FILIP1L: variants seen among roughly 807,000 people sequenced by gnomAD.
FILIP1L encodes filamin A-interacting protein 1-like.
In FILIP1L, 55 loss-of-function variants were observed where a neutral mutation model predicts 96.6. The ratio of observed to expected loss-of-function variants is 0.57; its 90% CI spans 0.46 to 0.71. FILIP1L has a LOEUF of 0.71. FILIP1L is among the 30% of genes least tolerant of loss of function. The pLI is 0.00. For synonymous variants in FILIP1L, 467 were observed against 473.9 expected (o/e 0.99, Z 0.19); for missense variants, 1,304 against 1,321.2 (o/e 0.99, Z 0.20).
At chr3:100,099,241 G>A (rs1193043379) in intron 1 of FILIP1L, among the ~76,000 whole-genome samples, 1 of 152,076 alleles carries the variant, frequency 6.6e-6, no homozygotes, top group Non-Finnish European at 1.5e-5. Context: ...ATCTTAGTAC[G>A]CACACTAGGA....
At chr3:99,957,597 C>G (rs902596436) in intron 1 of FILIP1L, among the ~76,000 whole-genome samples, 1 of 151,546 alleles carries the variant, frequency 6.6e-6, no homozygotes. Context: ...CCTCTGGGGC[C>G]TCCTATGAAC....
intron 1 of FILIP1L, among the ~76,000 whole-genome samples, chr3:99,983,464 G>GTGTATA (rs1491438114): frequency 2.4e-4 from 3 of 12,686 alleles, no homozygotes; most frequent in Admixed American, 1.5e-3. Flanking sequence ...ATATATGTGT[G>GTGTATA]TATATATATA....
chr3:100,003,355 T>C (rs1186836362), intron 1 of FILIP1L, among the ~76,000 whole-genome samples: 3 of 152,244 alleles, frequency 2.0e-5, no homozygotes, highest in Non-Finnish European at 4.4e-5. Context: ...TGCCCAGCAC[T>C]GTCAGGGTTT....
intron 5 of FILIP1L, among the ~76,000 whole-genome samples, chr3:99,842,104 G>A (rs906707825): frequency 3.9e-5 from 6 of 152,132 alleles, no homozygotes; most frequent in African/African-American, 1.4e-4. Context: ...CAGTCAATGA[G>A]CGGATAAAGA....
intron 4 of FILIP1L, among the ~76,000 whole-genome samples, chr3:99,911,762 A>G (rs1706796593): frequency 6.6e-6 from 1 of 152,128 alleles, no homozygotes; most frequent in South Asian, 2.1e-4. Flanking sequence ...CTCACAATTA[A>G]TTAACTCATT....
At chr3:100,062,149 T>C in intron 1 of FILIP1L, among the ~76,000 whole-genome samples, 1 of 125,552 alleles carries the variant, frequency 8.0e-6, no homozygotes, top group East Asian at 2.7e-4. Flanking sequence ...TGTTGCTCTG[T>C]CCCCCAGGCT....
At chr3:100,055,840 C>G (rs1304885807) in intron 1 of FILIP1L, among the ~76,000 whole-genome samples, 3 of 152,166 alleles carry the variant, frequency 2.0e-5, no homozygotes. Context: ...TTAAATTACT[C>G]TTCCACAATA....
chr3:99,871,851 A>AT (rs1482727467), intron 4 of FILIP1L, among the ~76,000 whole-genome samples: 7 of 151,900 alleles, frequency 4.6e-5, no homozygotes, highest in Non-Finnish European at 8.8e-5. Context: ...AAATACACTT[A>AT]TTTTTTATTT....
chr3:100,083,095 G>A (rs1013930753), intron 1 of FILIP1L, among the ~76,000 whole-genome samples: 16 of 152,172 alleles, frequency 1.1e-4, no homozygotes, highest in Non-Finnish European at 2.4e-4. Flanking sequence ...ATAAAATCAT[G>A]TATGGATTTT....
intron 1 of FILIP1L, among the ~76,000 whole-genome samples, chr3:100,024,863 C>G (rs913547390): frequency 7.2e-5 from 11 of 152,060 alleles, no homozygotes; most frequent in African/African-American, 2.2e-4. Flanking sequence ...ACATTCGTAG[C>G]CAAGCAGGCT....
At chr3:100,107,264 A>G (rs1474504532) in intron 1 of FILIP1L, among the ~76,000 whole-genome samples, 1 of 152,204 alleles carries the variant, frequency 6.6e-6, no homozygotes, top group African/African-American at 2.4e-5. Context: ...ATAGAATTCT[A>G]TGCTGAAAAA....
chr3:100,022,413 T>C (rs2064842831), intron 1 of FILIP1L, among the ~76,000 whole-genome samples: 1 of 152,214 alleles, frequency 6.6e-6, no homozygotes, highest in South Asian at 2.1e-4. Context: ...ACAACTCTGC[T>C]ACAGTATTCA....
chr3:100,096,507 G>A (rs750797409), intron 1 of FILIP1L, among the ~76,000 whole-genome samples: 7 of 152,020 alleles, frequency 4.6e-5, no homozygotes, highest in East Asian at 3.8e-4. Context: ...AATAAGCCAC[G>A]CACAAAAAGA....
intron 4 of FILIP1L, among the ~76,000 whole-genome samples, chr3:99,910,198 T>C (rs1706748239): frequency 7.3e-6 from 1 of 136,456 alleles, no homozygotes; most frequent in South Asian, 2.5e-4. Flanking sequence ...AAAACCTGTA[T>C]GGATTTCAAA....
intron 1 of FILIP1L, among the ~76,000 whole-genome samples, chr3:99,962,817 G>C (rs1708534213): frequency 6.6e-6 from 1 of 152,140 alleles, no homozygotes; most frequent in Admixed American, 6.5e-5. Flanking sequence ...GAACAAATTG[G>C]GAAAGATTTA....
At chr3:99,855,850 T>G (rs896158777) in intron 4 of FILIP1L, among the ~76,000 whole-genome samples, 1 of 152,198 alleles carries the variant, frequency 6.6e-6, no homozygotes, top group Non-Finnish European at 1.5e-5. Flanking sequence ...TGTAAAAGGA[T>G]ATATTTTAAC....
Position 99,849,153 on chromosome 3 carries a change from C to T in FILIP1L, c.2523G>A (p.Glu841=), listed in dbSNP as rs1352058896. 15 of 1,614,014 alleles carry T rather than the reference C, an allele frequency of 9.3e-6. No individual in the cohort carries two copies. The highest frequency in any genetic ancestry group is 6.7e-5 in the African/African-American group (5 of 74,910). Residue 841 remains glutamate (E), a synonymous_variant, in exon 5 of 6, where the codon GAG becomes GAA. Coordinates refer to ENST00000477258, the MANE Select transcript of FILIP1L (RefSeq NM_001387850.1). The part of the protein sequence containing the change: ...SENQDEDPND[E]GSVLSFKCSQ... ...TGCATTTGAAGGACAGCACAGATCC[C>T]TCATCATTAGGGTCCTCGTCTTGAT...
intron 5 of FILIP1L, among the ~76,000 whole-genome samples, chr3:99,831,583 C>G (rs537975103): frequency 6.6e-6 from 1 of 152,326 alleles, no homozygotes; most frequent in African/African-American, 2.4e-5. Context: ...ACAGACTAAT[C>G]AAGTCTGCTA....
chr3:100,052,592 G>C (rs2065393080), intron 1 of FILIP1L, among the ~76,000 whole-genome samples: 1 of 152,198 alleles, frequency 6.6e-6, no homozygotes, highest in African/African-American at 2.4e-5. Flanking sequence ...TGCTAGTATA[G>C]GAAAGAGGGC....
Sources: gnomAD v4.1 joint callset for allele counts (sites outside exome capture counted in the v4.1 genomes callset) on GRCh38, gnomAD v4.1.1 for gene constraint, MANE v1.5 for transcripts, NCBI Gene and HGNC (gene_info 2026-07-23, HGNC 2026-07-21) for gene names.